The following CAMTA1 variants were observed in gnomAD, a reference collection of about 807,000 sequenced individuals.
CAMTA1 encodes the protein calmodulin binding transcription activator 1.
CAMTA1 carries 27 observed loss-of-function variants against 170.9 expected under a neutral mutation model. The ratio of observed to expected loss-of-function variants is 0.16; its 90% CI spans 0.12 to 0.22. CAMTA1 has a LOEUF of 0.22. CAMTA1 is among the 10% of genes least tolerant of loss of function. The pLI, the probability that CAMTA1 is intolerant of heterozygous loss-of-function variation, is 1.00. For missense variants in CAMTA1, 1,619 were observed against 2,217.2 expected, an observed-to-expected ratio of 0.73 and a Z score of 5.42; for synonymous variants, 833 against 891.5, an observed-to-expected ratio of 0.93 and a Z score of 1.17.
At chr1:7,345,212 G>T (rs1232806842) in intron 5 of CAMTA1, among the ~76,000 whole-genome samples, 1 of 152,084 alleles carries the variant, frequency 6.6e-6, no homozygotes, top group African/African-American at 2.4e-5. Context: ...ATGTCTTGTT[G>T]AATAGTTCTT....
intron 6 of CAMTA1, among the ~76,000 whole-genome samples, chr1:7,537,844 T>G (rs936835884): frequency 2.0e-5 from 3 of 152,132 alleles, no homozygotes; most frequent in African/African-American, 7.2e-5. Context: ...CTTTTGGGGA[T>G]AGAAAAAAAG....
At chr1:7,060,660 C>T (rs907798942) in intron 3 of CAMTA1, among the ~76,000 whole-genome samples, 13 of 152,172 alleles carry the variant, frequency 8.5e-5, no homozygotes, top group African/African-American at 1.2e-4. Context: ...CCAGTGCAGG[C>T]GCCCCTGAGG....
intron 3 of CAMTA1, among the ~76,000 whole-genome samples, chr1:7,057,996 T>G (rs928046796): frequency 2.0e-5 from 3 of 152,136 alleles, no homozygotes; most frequent in African/African-American, 7.2e-5. Flanking sequence ...AGAGCAAATT[T>G]CTGTTCCAGA....
intron 6 of CAMTA1, among the ~76,000 whole-genome samples, chr1:7,496,115 G>A (rs932721398): frequency 3.9e-5 from 6 of 152,228 alleles, no homozygotes; most frequent in African/African-American, 7.2e-5. Context: ...CCAGAGGGCC[G>A]GCTCAGAGCT....
At chr1:7,009,165 C>T (rs916045204) in intron 3 of CAMTA1, among the ~76,000 whole-genome samples, 3 of 152,242 alleles carry the variant, frequency 2.0e-5, no homozygotes, top group East Asian at 1.9e-4. Context: ...TTCTGGGCCC[C>T]GTTTACTCCT....
intron 3 of CAMTA1, among the ~76,000 whole-genome samples, chr1:6,908,399 G>A (rs1166226989): frequency 2.6e-5 from 4 of 152,204 alleles, no homozygotes; most frequent in Non-Finnish European, 2.9e-5. Context: ...AATGCTGCCC[G>A]CTGCTCGCTG....
chr1:7,159,696 A>G (rs974707965), intron 4 of CAMTA1, among the ~76,000 whole-genome samples: 20 of 152,092 alleles, frequency 1.3e-4, no homozygotes, highest in African/African-American at 4.6e-4. Context: ...GTTGCACAGG[A>G]TCATACCTGG....
intron 3 of CAMTA1, among the ~76,000 whole-genome samples, chr1:7,031,696 T>C (rs189718724): frequency 6.0e-4 from 92 of 152,184 alleles, no homozygotes; most frequent in Admixed American, 1.9e-3. Flanking sequence ...CGTGCCACCA[T>C]GCCCAGCTAA....
intron 5 of CAMTA1, among the ~76,000 whole-genome samples, chr1:7,252,306 T>G (rs1666756146): frequency 6.6e-6 from 1 of 152,234 alleles, no homozygotes; most frequent in Non-Finnish European, 1.5e-5. Flanking sequence ...AATTTGAGTT[T>G]GTCTTAATTA....
chr1:6,905,737 T>TG (rs1678313232), intron 3 of CAMTA1, among the ~76,000 whole-genome samples: 1 of 152,218 alleles, frequency 6.6e-6, no homozygotes. Context: ...TTATTAATAG[T>TG]TCATGCAAGT....
At chr1:7,160,725 G>C (rs1474707831) in intron 4 of CAMTA1, among the ~76,000 whole-genome samples, 3 of 152,122 alleles carry the variant, frequency 2.0e-5, no homozygotes, top group Non-Finnish European at 4.4e-5. Flanking sequence ...TCTGTCTACA[G>C]CCCAGGTAGT....
At chr1:7,176,107 G>A (rs1044360937) in intron 4 of CAMTA1, among the ~76,000 whole-genome samples, 7 of 152,206 alleles carry the variant, frequency 4.6e-5, no homozygotes, top group African/African-American at 1.7e-4. Context: ...CGGTAATTGG[G>A]GTATAGCGGG....
At chr1:6,788,321 A>C (rs1401910570) in intron 1 of CAMTA1, among the ~76,000 whole-genome samples, 1 of 152,092 alleles carries the variant, frequency 6.6e-6, no homozygotes, top group African/African-American at 2.4e-5. Flanking sequence ...TTGGCCTTTA[A>C]AACTGTTCTA....
chr1:7,338,018 T>TGC (rs2083520187), intron 5 of CAMTA1, among the ~76,000 whole-genome samples: 1 of 151,180 alleles, frequency 6.6e-6, no homozygotes, highest in Non-Finnish European at 1.5e-5. Flanking sequence ...ATAACATATA[T>TGC]ACATATATAC....
At chr1:7,276,297 A>ATTTTTTTTT (rs1431072819) in intron 5 of CAMTA1, among the ~76,000 whole-genome samples, 1 of 21,556 alleles carries the variant, frequency 4.6e-5, no homozygotes, top group African/African-American at 5.0e-4. Flanking sequence ...ATATATATAT[A>ATTTTTTTTT]TATATATTTT....
chr1:7,473,569 C>G (rs745415925), intron 6 of CAMTA1, among the ~76,000 whole-genome samples: 80 of 152,230 alleles, frequency 5.3e-4, no homozygotes, highest in Non-Finnish European at 9.7e-4. Context: ...CCCTATAGGC[C>G]TCAGCCCAGG....
At chr1:7,424,136 T>A (rs544555174) in intron 5 of CAMTA1, among the ~76,000 whole-genome samples, 3 of 152,138 alleles carry the variant, frequency 2.0e-5, no homozygotes, top group African/African-American at 7.2e-5. Flanking sequence ...CTTGTGGCTG[T>A]CTTCTCTCGG....
At chr1:7,205,808 T>C (rs1386924991) in intron 4 of CAMTA1, among the ~76,000 whole-genome samples, 1 of 152,226 alleles carries the variant, frequency 6.6e-6, no homozygotes, top group Middle Eastern at 3.2e-3. Flanking sequence ...AAAAAGAAAT[T>C]AACCCAATTT....
At chr1:7,374,978 G>A (rs2086734433) in intron 5 of CAMTA1, among the ~76,000 whole-genome samples, 1 of 152,210 alleles carries the variant, frequency 6.6e-6, no homozygotes, top group South Asian at 2.1e-4. Flanking sequence ...TGGTAGAGCA[G>A]TGGGGCTGGG....
Sources: gnomAD v4.1 joint callset for allele counts (sites outside exome capture counted in the v4.1 genomes callset) on GRCh38, gnomAD v4.1.1 for gene constraint, MANE v1.5 for transcripts, NCBI Gene and HGNC (gene_info 2026-07-23, HGNC 2026-07-21) for gene names.